The following RELCH variants were observed in gnomAD, a reference collection of about 807,000 sequenced individuals.
RELCH encodes RAB11 binding and LisH domain, coiled-coil and HEAT repeat containing.
Under a neutral mutation model 150.3 loss-of-function variants are expected in RELCH, and 41 were observed. That is an observed-to-expected ratio of 0.27 (90% CI 0.21 to 0.35). The LOEUF is 0.35. Among genes scored for constraint, RELCH ranks in the 10% least tolerant of loss-of-function variants. The pLI, the probability that RELCH is intolerant of heterozygous loss-of-function variation, is 1.00. For synonymous variants in RELCH, 478 were observed against 531.8 expected (o/e 0.90, Z 1.39); for missense variants, 1,092 against 1,467.8 (o/e 0.74, Z 4.18).
rs188893953 is a variant in RELCH at position 62,207,470 on chromosome 18, C to T, written c.527-3683C>T. Among the ~76,000 whole-genome samples the T allele has an allele frequency of 1.8e-3, 272 of 152,210 alleles. 2 individuals carry two copies. The highest frequency in any genetic ancestry group is 3.4e-3 in the Middle Eastern group (1 of 294). On this transcript the variant is annotated intron_variant, in intron 1 of 28. Transcript: ENST00000644646. ...TAATGCTGCTATGAATAATTATGTACAAGATTTTGTGTGGACATATACTGT... is the reference window on the plus strand; with the variant it reads ...TAATGCTGCTATGAATAATTATGTATAAGATTTTGTGTGGACATATACTGT...
intron 11 of RELCH, among the ~76,000 whole-genome samples, chr18:62,249,643 A>G (rs1320010612): frequency 1.3e-5 from 2 of 152,010 alleles, no homozygotes; most frequent in Non-Finnish European, 1.5e-5. Context: ...GTCTATTTTC[A>G]TAAACCTTGC....
chr18:62,227,539 C>T (rs371242920), intron 6 of RELCH, 47 bp downstream of exon 6: 13 of 1,566,394 alleles, frequency 8.3e-6, no homozygotes, highest in Non-Finnish European at 1.1e-5. Flanking sequence ...AGTATTTAAA[C>T]TATGTAAAAG....
At chr18:62,291,043 A>G (rs754325813) in intron 26 of RELCH, among the ~76,000 whole-genome samples, 1 of 152,132 alleles carries the variant, frequency 6.6e-6, no homozygotes, top group Non-Finnish European at 1.5e-5. Context: ...TTTAAAGAGG[A>G]TCCAGAAATA....
At chr18:62,266,587 T>A (rs1220904272) in intron 18 of RELCH, 114 bp from the exon 19 acceptor site, 2 of 602,706 alleles carry the variant, frequency 3.3e-6, no homozygotes. Context: ...AACTTAGTCA[T>A]CTATAAAGCT....
At chr18:62,244,492 T>C (rs1368646107) in intron 10 of RELCH, among the ~76,000 whole-genome samples, 1 of 152,168 alleles carries the variant, frequency 6.6e-6, no homozygotes, top group African/African-American at 2.4e-5. Context: ...TAAAAGCTAG[T>C]GGGCCCTTGG....
intron 2 of RELCH, among the ~76,000 whole-genome samples, chr18:62,215,787 A>G (rs2040441084): frequency 6.6e-6 from 1 of 152,160 alleles, no homozygotes; most frequent in Admixed American, 6.5e-5. Context: ...AGCCCACAAT[A>G]GATCTTTTAG....
At chr18:62,240,924 T>G (rs2042119173) in intron 10 of RELCH, among the ~76,000 whole-genome samples, 1 of 152,054 alleles carries the variant, frequency 6.6e-6, no homozygotes, top group Non-Finnish European at 1.5e-5. Context: ...CTGGCGAGAC[T>G]GAGGGAAAGC....
intron 24 of RELCH, among the ~76,000 whole-genome samples, chr18:62,280,964 G>C (rs991876826): frequency 6.6e-6 from 1 of 152,172 alleles, no homozygotes; most frequent in African/African-American, 2.4e-5. Context: ...CCAAGGGAGA[G>C]AATATAGTCA....
At chr18:62,226,190 G>A (rs1454678231) in intron 5 of RELCH, among the ~76,000 whole-genome samples, 1 of 151,988 alleles carries the variant, frequency 6.6e-6, no homozygotes, top group Non-Finnish European at 1.5e-5. Flanking sequence ...ACTAAATTAT[G>A]ATATATTAAA....
chr18:62,263,620 T>C (rs1407884126), intron 16 of RELCH, among the ~76,000 whole-genome samples: 3 of 152,032 alleles, frequency 2.0e-5, no homozygotes, highest in Non-Finnish European at 2.9e-5. Flanking sequence ...CTCATAAAAA[T>C]GGTAACCCAC....
intron 27 of RELCH, among the ~76,000 whole-genome samples, chr18:62,297,001 T>C (rs2045441330): frequency 6.6e-6 from 1 of 152,202 alleles, no homozygotes; most frequent in Admixed American, 6.5e-5. Flanking sequence ...AGCAAGCCTG[T>C]TTCACCGCAA....
chr18:62,275,353 G>GTTTTT, intron 21 of RELCH, 21 bp from the exon 22 acceptor site: 2 of 1,093,636 alleles, frequency 1.8e-6, no homozygotes, highest in Non-Finnish European at 2.5e-6. Flanking sequence ...TTTTAACACT[G>GTTTTT]TTTTTTTTTT....
At chr18:62,242,540 A>C (rs1555731005) in intron 10 of RELCH, among the ~76,000 whole-genome samples, 1 of 152,184 alleles carries the variant, frequency 6.6e-6, no homozygotes, top group Non-Finnish European at 1.5e-5. Flanking sequence ...GAAGAAACTG[A>C]AAGAGAAGTT....
intron 27 of RELCH, among the ~76,000 whole-genome samples, chr18:62,294,211 G>A (rs2045293638): frequency 6.6e-6 from 1 of 152,162 alleles, no homozygotes; most frequent in South Asian, 2.1e-4. Flanking sequence ...TTGTCTGTGA[G>A]ATACAAACTG....
intron 28 of RELCH, among the ~76,000 whole-genome samples, chr18:62,304,426 A>G (rs905835171): frequency 1.3e-5 from 2 of 152,230 alleles, no homozygotes; most frequent in Non-Finnish European, 2.9e-5. Context: ...ACATAGACCC[A>G]GGTGTGCTCC....
intron 27 of RELCH, among the ~76,000 whole-genome samples, chr18:62,293,058 A>T (rs1302647175): frequency 2.0e-5 from 3 of 151,954 alleles, no homozygotes; most frequent in African/African-American, 7.3e-5. Flanking sequence ...TCCATCACAC[A>T]CTCTGCCCCA....
chr18:62,219,325 C>CTTTTT (rs202196452), intron 2 of RELCH, among the ~76,000 whole-genome samples: 1 of 112,878 alleles, frequency 8.9e-6, no homozygotes, highest in African/African-American at 3.4e-5. Flanking sequence ...TTCTTTTTTT[C>CTTTTT]TTTTTTTTTT....
chr18:62,270,233 G>A (rs745613857), intron 20 of RELCH, among the ~76,000 whole-genome samples: 1 of 152,148 alleles, frequency 6.6e-6, no homozygotes, highest in Non-Finnish European at 1.5e-5. Context: ...CTAAGGCTTA[G>A]GCCTGGAATT....
In RELCH at chr18:62,306,866, T is replaced by C. The variant is rs942200716; in HGVS notation, c.*1332T>C. ...AAACTGGTTTAATACATTTGGAACATAGTTGGATTACATTCATTTCCTGGG... is the reference window on the plus strand; with the variant it reads ...AAACTGGTTTAATACATTTGGAACACAGTTGGATTACATTCATTTCCTGGG... On this transcript the variant is annotated 3_prime_UTR_variant, in exon 29 of 29. Coordinates refer to ENST00000644646, the MANE Select transcript of RELCH (RefSeq NM_001346231.2). 1.3e-5 allele frequency: 2 copies of C among 152,686 alleles called. No homozygotes were observed. Among genetic ancestry groups the C allele is most frequent in the African/African-American group, 2.4e-5 (1 of 41,468 alleles). The allele number at this position is 152,686 out of a possible 1,614,324, so 9.5% of individuals were successfully genotyped here.
Sources: allele counts gnomAD v4.1 joint callset (sites outside exome capture counted in the v4.1 genomes callset), GRCh38; gene constraint gnomAD v4.1.1; transcripts MANE v1.5; gene names NCBI Gene and HGNC (gene_info 2026-07-23, HGNC 2026-07-21).